Variants in CACNA1H observed in about 807,000 individuals in gnomAD.
CACNA1H encodes the protein voltage-dependent T-type calcium channel subunit alpha-1H.
In CACNA1H, 149 loss-of-function variants were observed where a neutral mutation model predicts 192.5. The observed-to-expected ratio is 0.77, with a 90% CI of 0.68 to 0.89. The LOEUF (loss-of-function observed/expected upper bound fraction) is 0.89. CACNA1H is among the 40% of genes least tolerant of loss of function. The pLI is 0.00. For synonymous variants in CACNA1H, 2,202 were observed against 1,475.2 expected (o/e 1.49, Z -11.29); for missense variants, 4,257 against 3,423.5 (o/e 1.24, Z -6.08).
intron 31 of CACNA1H, 142 bp downstream of exon 31, chr16:1,217,152 G>T: frequency 1.4e-6 from 1 of 699,158 alleles, no homozygotes; most frequent in East Asian, 2.7e-5. Flanking sequence ...GTCCTCACCC[G>T]GCCCTGCTTC....
intron 5 of CACNA1H, among the ~76,000 whole-genome samples, chr16:1,197,759 T>A (rs1387225608): frequency 6.6e-6 from 1 of 152,188 alleles, no homozygotes; most frequent in Non-Finnish European, 1.5e-5. Context: ...TACCCCTGGG[T>A]GCTGGGTGAG....
chr16:1,185,194 C>T (rs2077183), intron 2 of CACNA1H, among the ~76,000 whole-genome samples: 15,586 of 152,234 alleles, frequency 0.1, 2,229 homozygotes, highest in African/African-American at 0.32. Flanking sequence ...TCTTCCTTTT[C>T]ATGGCTGAGT....
At position 1,200,304 on chromosome 16, in the gene CACNA1H, C is replaced by T. The variant is rs1567507548; in HGVS notation, c.852C>T (p.Gly284=). 6.8e-6 allele frequency: 11 copies of T among 1,606,440 alleles called. No homozygotes were observed. The highest frequency in any genetic ancestry group is 5.6e-5 in the South Asian group (5 of 89,996). The change falls in exon 7 of 35, where the codon GGC becomes GGT. Residue 284 remains glycine, a synonymous_variant. Transcript: ENST00000348261. ...GGCCGTACTACCAGACGGAGGAGGGCGAGGAGAACCCGTTCATCTGCTCCT... is the reference window on the plus strand; with the variant it reads ...GGCCGTACTACCAGACGGAGGAGGGTGAGGAGAACCCGTTCATCTGCTCCT... The part of the protein sequence containing the change: ...FLRPYYQTEE[G]EENPFICSSR...
chr16:1,193,608 C>T (rs960721059), intron 2 of CACNA1H, among the ~76,000 whole-genome samples: 5 of 152,264 alleles, frequency 3.3e-5, no homozygotes, highest in Admixed American at 2.6e-4. Context: ...GCTGCCTTGG[C>T]GGGAGGCTGA....
Position 1,210,447 on chromosome 16 carries a change from G to T in CACNA1H, c.3923G>T (p.Cys1308Phe). The stretch of plus-strand genomic sequence containing the variant: ...GTCCTCGTCTTCATCTTCCTCAACT[G>T]CGTCACCATCGCCCTGGAGAGGCCT... The part of the protein sequence containing the change: ...HVVLVFIFLN[C>F]VTIALERPDI... The change falls in exon 19 of 35, where the codon TGC becomes TTC. Residue 1308 changes from cysteine to phenylalanine, a missense_variant. Cys to Phe is a radical substitution (Grantham distance 205). Coordinates refer to ENST00000348261, the MANE Select transcript of CACNA1H (RefSeq NM_021098.3). 1 of 1,610,508 alleles carries T rather than the reference G, an allele frequency of 6.2e-7. No individual in the cohort carries two copies. Among genetic ancestry groups the T allele is most frequent in the Non-Finnish European group, 8.5e-7 (1 of 1,179,230 alleles).
At chr16:1,210,348 T>TCCCCCCCCCCCCCCCCC in intron 18 of CACNA1H, 22 bp from the exon 19 acceptor site, 1 of 277,476 alleles carries the variant, frequency 3.6e-6, no homozygotes, top group Non-Finnish European at 6.3e-6. Context: ...GCCCCACCTC[T>TCCCCCCCCCCCCCCCCC]CACCCGCCCC....
chr16:1,207,302 G>A lies in CACNA1H; in HGVS notation c.2935G>A (p.Val979Ile), dbSNP rs759796507. The stretch of plus-strand genomic sequence containing the variant: ...CCTGACCCAGGAGGACTGGAACGTG[G>A]TCCTGTACAACGGCATGGCCTCCAC... Reference protein sequence around the residue: ...QILTQEDWNVVLYNGMASTSS... With the variant: ...QILTQEDWNVILYNGMASTSS... The change falls in exon 14 of 35, where the codon GTC becomes ATC. Residue 979 changes from valine (V) to isoleucine (I), a missense_variant. By Grantham distance (29) the Val-to-Ile change is conservative (BLOSUM62 3). Coordinates refer to ENST00000348261, the MANE Select transcript of CACNA1H (RefSeq NM_021098.3). 7 of 1,610,614 alleles carry A rather than the reference G, an allele frequency of 4.3e-6. No homozygotes were observed. The highest frequency in any genetic ancestry group is 5.9e-6 in the Non-Finnish European group (7 of 1,178,622).
rs768991107 is a variant in CACNA1H at position 1,210,525 on chromosome 16, C to T, written c.3969+32C>T. ...CAGCCAACCCCATCGTCCCGGGCCA[C>T]CACGACCCCCAGGGAGGGGTGGAGT... On this transcript the variant is annotated intron_variant, in intron 19 of 34. Coordinates refer to ENST00000348261, the MANE Select transcript of CACNA1H (RefSeq NM_021098.3). The T allele has an allele frequency of 3.7e-6, 6 of 1,610,758 alleles. No individual in the cohort carries two copies. In the African/African-American group the frequency reaches 4.0e-5, roughly 11 times the overall value.
At chr16:1,214,524 A>G (rs1969836623) in intron 27 of CACNA1H, among the ~76,000 whole-genome samples, 1 of 151,874 alleles carries the variant, frequency 6.6e-6, no homozygotes, top group Non-Finnish European at 1.5e-5. Flanking sequence ...TCTGGGCAGT[A>G]CCTCCCAGCC....
intron 2 of CACNA1H, among the ~76,000 whole-genome samples, chr16:1,193,530 G>A (rs370028804): frequency 1.3e-5 from 2 of 152,366 alleles, no homozygotes; most frequent in East Asian, 1.9e-4. Flanking sequence ...GTGCGTCATC[G>A]GTAGGCGGCA....
chr16:1,212,581 G>A, intron 26 of CACNA1H, 53 bp downstream of exon 26: 1 of 1,580,608 alleles, frequency 6.3e-7, no homozygotes, highest in Non-Finnish European at 8.6e-7. Flanking sequence ...CCGCTGCTCG[G>A]GGAAGGGCGG....
chr16:1,215,375 G>C lies in CACNA1H; in HGVS notation c.5173G>C (p.Val1725Leu), dbSNP rs772752575. 1.6e-5 allele frequency: 25 copies of C among 1,610,140 alleles called. No homozygotes were observed. The highest frequency in any genetic ancestry group is 2.1e-5 in the Non-Finnish European group (25 of 1,178,698). ...CATGCGCGTGCTTCGCATTGCCCGT[G>C]GTAGGTGCCCGCGTGCCCGCCAGGT... The part of the protein sequence containing the change: ...RIMRVLRIAR[V>L]LKLLKMATGM... The change falls in exon 29 of 35, where the codon GTG (valine) becomes CTG (leucine). Residue 1725 changes from valine (V) to leucine (L), a missense_variant and splice_region_variant. Val to Leu is a conservative substitution (Grantham distance 32, BLOSUM62 1). Coordinates refer to ENST00000348261, the MANE Select transcript of CACNA1H (RefSeq NM_021098.3).
chr16:1,179,730 CTTT>C (rs758652517), intron 2 of CACNA1H, among the ~76,000 whole-genome samples: 12 of 109,124 alleles, frequency 1.1e-4, no homozygotes, highest in East Asian at 5.1e-4. Flanking sequence ...CGCCCGGCCT[CTTT>C]TTTTTTTTTT....
intron 26 of CACNA1H, 100 bp from the exon 27 acceptor site, chr16:1,213,680 C>A: frequency 1.1e-6 from 1 of 890,798 alleles, no homozygotes; most frequent in Non-Finnish European, 1.6e-6. Flanking sequence ...CCCCCAACTT[C>A]TACCCTACAC....
chr16:1,164,947 C>T (rs1024437591), intron 2 of CACNA1H, among the ~76,000 whole-genome samples: 2 of 152,128 alleles, frequency 1.3e-5, no homozygotes, highest in Non-Finnish European at 2.9e-5. Flanking sequence ...GTGTTTTCTC[C>T]TTGGGTGCAG....
chr16:1,179,096 C>T (rs905695115), intron 2 of CACNA1H, among the ~76,000 whole-genome samples: 4 of 152,280 alleles, frequency 2.6e-5, no homozygotes, highest in African/African-American at 7.2e-5. Context: ...TCAGCCCTCC[C>T]TGCACACTGT....
intron 27 of CACNA1H, among the ~76,000 whole-genome samples, 152 bp from the exon 28 acceptor site, chr16:1,214,820 A>G (rs897910469): frequency 6.6e-6 from 1 of 152,046 alleles, no homozygotes; most frequent in Non-Finnish European, 1.5e-5. Context: ...AGGAGGGCCG[A>G]AGAGGCTCCC....
Position 1,162,674 on chromosome 16 carries a change from G to C in CACNA1H, c.299+8638G>C, listed in dbSNP as rs568108512. ...GGGTCCATCCTAGGAGGAGCCGAGC[G>C]TCTTGGGACCCTGTGAAGGGGTCTG... On this transcript the variant is annotated intron_variant, in intron 2 of 34. Transcript: ENST00000348261. Among the ~76,000 whole-genome samples, 35 of 151,180 alleles carry C rather than the reference G, an allele frequency of 2.3e-4. 1 individual carries two copies. The South Asian group carries it at 7.3e-3, about 32-fold the overall frequency.
At chr16:1,193,433 C>T (rs1966788655) in intron 2 of CACNA1H, among the ~76,000 whole-genome samples, 1 of 152,256 alleles carries the variant, frequency 6.6e-6, no homozygotes, top group African/African-American at 2.4e-5. Flanking sequence ...GGCACGCAAA[C>T]CCCACCCCCA....
Sources: allele counts gnomAD v4.1 joint callset (sites outside exome capture counted in the v4.1 genomes callset), GRCh38; gene constraint gnomAD v4.1.1; transcripts MANE v1.5; gene names NCBI Gene and HGNC (gene_info 2026-07-23, HGNC 2026-07-21).